METTL15: variants seen among roughly 807,000 people sequenced by gnomAD.
METTL15 encodes the protein 12S rRNA N(4)-cytidine methyltransferase METTL15.
METTL15 carries 34 observed loss-of-function variants against 38.3 expected under a neutral mutation model. The ratio of observed to expected loss-of-function variants is 0.89; its 90% CI spans 0.68 to 1.18. METTL15 has a LOEUF of 1.18. METTL15 is among the 50% of genes most tolerant of loss of function. The probability of loss-of-function intolerance (pLI) is 0.00; values close to 1 mark genes in which losing one functional copy is unlikely to be tolerated. For synonymous variants in METTL15, 162 were observed against 170.9 expected (o/e 0.95, Z 0.41); for missense variants, 438 against 498.4 (o/e 0.88, Z 1.15).
chr11:28,246,813 A>G (rs190415582), intron 4 of METTL15, among the ~76,000 whole-genome samples: 252 of 152,278 alleles, frequency 1.7e-3, no homozygotes, highest in Admixed American at 3.1e-3. Flanking sequence ...GCACTGTCCA[A>G]TATAGTAGCC....
chr11:28,375,636 T>G (rs1397171372), intron 5 of METTL15, among the ~76,000 whole-genome samples: 2 of 152,174 alleles, frequency 1.3e-5, no homozygotes, highest in Non-Finnish European at 2.9e-5. Flanking sequence ...TTCATTAATT[T>G]TTTGAAGGGT....
chr11:28,510,967 T>A (rs918091299), intron 6 of METTL15, among the ~76,000 whole-genome samples: 3 of 152,196 alleles, frequency 2.0e-5, no homozygotes, highest in Non-Finnish European at 2.9e-5. Context: ...GGGATGACTT[T>A]ATGAGACACA....
intron 6 of METTL15, among the ~76,000 whole-genome samples, chr11:28,311,312 C>T (rs1202907693): frequency 1.3e-5 from 2 of 152,074 alleles, no homozygotes; most frequent in African/African-American, 4.8e-5. Context: ...ACAAGTAGTA[C>T]AGGGAGAAAT....
At chr11:28,520,336 T>C (rs1458486646) in intron 6 of METTL15, among the ~76,000 whole-genome samples, 1 of 151,874 alleles carries the variant, frequency 6.6e-6, no homozygotes, top group Non-Finnish European at 1.5e-5. Context: ...TGAGATCTCA[T>C]CTTAAAATAG....
intron 4 of METTL15, among the ~76,000 whole-genome samples, chr11:28,240,962 CT>C (rs1210424712): frequency 7.2e-5 from 11 of 152,040 alleles, no homozygotes; most frequent in African/African-American, 2.7e-4. Context: ...AAAAGCTGTA[CT>C]TTTAAAGAGC....
chr11:28,399,096 C>T (rs1850604202), intron 5 of METTL15: 2 of 152,020 alleles, frequency 1.3e-5, no homozygotes, highest in African/African-American at 4.8e-5. Flanking sequence ...GGTACCAAAA[C>T]AGAGATATAG....
chr11:28,367,098 T>C (rs1850193224), intron 5 of METTL15, among the ~76,000 whole-genome samples: 1 of 151,960 alleles, frequency 6.6e-6, no homozygotes, highest in African/African-American at 2.4e-5. Flanking sequence ...TGTAGTCCAA[T>C]GTTTCAGCTT....
chr11:28,311,915 A>G (rs1032257755), intron 6 of METTL15, among the ~76,000 whole-genome samples: 9 of 152,236 alleles, frequency 5.9e-5, no homozygotes, highest in African/African-American at 2.2e-4. Context: ...TGCTCTTTGA[A>G]GGGATGGCTA....
chr11:28,155,012 T>C (rs1338521528), intron 3 of METTL15, among the ~76,000 whole-genome samples: 2 of 152,090 alleles, frequency 1.3e-5, no homozygotes, highest in African/African-American at 4.8e-5. Flanking sequence ...TTTCTCCTAA[T>C]GGGATTTATT....
intron 6 of METTL15, among the ~76,000 whole-genome samples, chr11:28,312,064 C>T (rs1282467390): frequency 6.6e-6 from 1 of 152,202 alleles, no homozygotes; most frequent in Non-Finnish European, 1.5e-5. Flanking sequence ...CTACTTTATC[C>T]TCCCCACCCT....
intron 3 of METTL15, among the ~76,000 whole-genome samples, chr11:28,351,496 G>A (rs1850041318): frequency 6.6e-6 from 1 of 152,126 alleles, no homozygotes; most frequent in African/African-American, 2.4e-5. Flanking sequence ...TTAGCTCCCT[G>A]CCCCACATGT....
intron 5 of METTL15, among the ~76,000 whole-genome samples, chr11:28,415,836 G>A (rs1216703658): frequency 6.6e-6 from 1 of 152,116 alleles, no homozygotes; most frequent in Non-Finnish European, 1.5e-5. Flanking sequence ...TCCATGTTAG[G>A]TAGCTTAGGC....
intron 6 of METTL15, among the ~76,000 whole-genome samples, chr11:28,478,399 A>C (rs997066603): frequency 6.6e-6 from 1 of 152,178 alleles, no homozygotes; most frequent in Non-Finnish European, 1.5e-5. Context: ...TCACCCCATC[A>C]CTCAGATAGT....
At chr11:28,398,454 A>T (rs1441909844) in intron 5 of METTL15, among the ~76,000 whole-genome samples, 3 of 151,932 alleles carry the variant, frequency 2.0e-5, no homozygotes, top group African/African-American at 4.8e-5. Flanking sequence ...TTTCATATGT[A>T]TGCTGGCCGC....
rs914613567 is a variant in METTL15, at chr11:28,376,494, CTTTT to C, written c.*358+14462_*358+14465del. ...CAGAGATTAGGATTGCAACCCCTGC[CTTTT>C]TTTGTTTTCCATTTGCTTGGTAGAT... is the stretch of plus-strand genomic sequence containing the variant. On this transcript the variant is annotated intron_variant and NMD_transcript_variant, in intron 5 of 7. Coordinates refer to the METTL15 transcript ENST00000532947. Among the ~76,000 whole-genome samples, 189 of 152,042 alleles carry C rather than the reference CTTTT, an allele frequency of 1.2e-3. 1 individual carries two copies. Among genetic ancestry groups the C allele is most frequent in the African/African-American group, 4.4e-3 (181 of 41,492 alleles).
At chr11:28,206,144 G>C (rs185375500) in intron 3 of METTL15, among the ~76,000 whole-genome samples, 15,753 of 150,334 alleles carry the variant, frequency 0.1, 1,105 homozygotes, top group South Asian at 0.24. Context: ...GGCTTTTGTT[G>C]CCATTGCTTT....
intron 1 of METTL15, among the ~76,000 whole-genome samples, chr11:28,108,830 AT>A (rs1157128749): frequency 6.6e-6 from 1 of 152,008 alleles, no homozygotes; most frequent in Non-Finnish European, 1.5e-5. Flanking sequence ...AGGTGAAGTG[AT>A]TTTTTTTAAG....
At chr11:28,251,247 A>T (rs371140827) in intron 4 of METTL15, among the ~76,000 whole-genome samples, 100 of 152,186 alleles carry the variant, frequency 6.6e-4, no homozygotes, top group African/African-American at 2.2e-3. Flanking sequence ...ATGAATGAGA[A>T]TTATCCTTTT....
At chr11:28,120,861 C>G (rs562839710) in intron 3 of METTL15, among the ~76,000 whole-genome samples, 6 of 151,972 alleles carry the variant, frequency 3.9e-5, no homozygotes, top group Non-Finnish European at 8.8e-5. Flanking sequence ...GAACCTTGTC[C>G]TTTTTTTCTC....
Sources: gnomAD v4.1 joint callset for allele counts (sites outside exome capture counted in the v4.1 genomes callset) on GRCh38, gnomAD v4.1.1 for gene constraint, MANE v1.5 for transcripts, NCBI Gene and HGNC (gene_info 2026-07-23, HGNC 2026-07-21) for gene names.